NHSL1: variants seen among roughly 807,000 people sequenced by gnomAD.
NHSL1 encodes NHS like 1, also known as NHS-like protein 1.
Under a neutral mutation model 95.0 loss-of-function variants are expected in NHSL1, and 48 were observed. That is an observed-to-expected ratio of 0.51 (90% CI 0.40 to 0.64). The LOEUF is 0.64. NHSL1 is among the 30% of genes least tolerant of loss of function. The pLI, the probability that NHSL1 is intolerant of heterozygous loss-of-function variation, is 0.00. For missense variants in NHSL1, 1,971 were observed against 2,077.7 expected (o/e 0.95, Z 1.00); for synonymous variants, 783 against 833.9 (o/e 0.94, Z 1.05).
intron 1 of NHSL1, among the ~76,000 whole-genome samples, chr6:138,659,802 T>G (rs1418452968): frequency 6.6e-6 from 1 of 151,210 alleles, no homozygotes; most frequent in Non-Finnish European, 1.5e-5. Context: ...CTGCAACCTC[T>G]GCCTCCCAGG....
intron 1 of NHSL1, among the ~76,000 whole-genome samples, chr6:138,524,191 G>A (rs984562941): frequency 6.6e-6 from 1 of 152,174 alleles, no homozygotes; most frequent in Admixed American, 6.5e-5. Flanking sequence ...GCCCCACACA[G>A]GCTCACACAA....
In NHSL1 at chr6:138,540,931, A is replaced by G. The variant is rs146568668; in HGVS notation, c.16+4692T>C. Among the ~76,000 whole-genome samples the G allele has an allele frequency of 3.9e-5, 6 of 152,318 alleles. No individual in the cohort carries two copies. The East Asian group carries it at 1.2e-3, about 29-fold the overall frequency. On this transcript the variant is annotated intron_variant, in intron 1 of 4. Transcript: ENST00000342260. ...GGAAAGAACCTGTCTAACACAAACC[A>G]GGTTAAAAGTCCCTAGAGAGAATGC... is the stretch of plus-strand genomic sequence containing the variant.
At chr6:138,641,622 CAAA>C (rs771307557) in intron 1 of NHSL1, among the ~76,000 whole-genome samples, 66 of 76,450 alleles carry the variant, frequency 8.6e-4, no homozygotes, top group Non-Finnish European at 1.5e-3. Context: ...GACTCCGTCT[CAAA>C]AAAAAAAAAA....
chr6:138,462,522 T>C (rs1251009206), intron 3 of NHSL1, among the ~76,000 whole-genome samples: 1 of 152,088 alleles, frequency 6.6e-6, no homozygotes, highest in Non-Finnish European at 1.5e-5. Flanking sequence ...ACTACCACAG[T>C]GGGATCACAT....
intron 1 of NHSL1, among the ~76,000 whole-genome samples, chr6:138,668,626 CTTT>C (rs1231203513): frequency 2.3e-5 from 3 of 130,382 alleles, no homozygotes. Flanking sequence ...ATTTTTTTTT[CTTT>C]TTTTTTTTTT....
At chr6:138,461,475 G>C (rs947769319) in intron 3 of NHSL1, among the ~76,000 whole-genome samples, 2 of 152,160 alleles carry the variant, frequency 1.3e-5, no homozygotes, top group African/African-American at 4.8e-5. Context: ...AAAACCAGGA[G>C]TGTGTTGTGT....
chr6:138,544,663 G>A (rs1172538024), intron 1 of NHSL1, among the ~76,000 whole-genome samples: 1 of 152,106 alleles, frequency 6.6e-6, no homozygotes, highest in African/African-American at 2.4e-5. Flanking sequence ...TTGAAAAGAT[G>A]TCAAGAATTT....
intron 7 of NHSL1, among the ~76,000 whole-genome samples, chr6:138,429,071 T>TGTAACA: frequency 6.6e-6 from 1 of 152,212 alleles, no homozygotes; most frequent in East Asian, 1.9e-4. Flanking sequence ...ATATAAAAAG[T>TGTAACA]GTAACAGTTC....
chr6:138,432,225 G>A lies in NHSL1; in HGVS notation c.2120C>T (p.Ser707Leu), dbSNP rs778411323. ...CTTGCCTGGGAGGCTCAGCTGCAGCGAGTGCTGGAGTGTGGCGATCAGGCT... is the reference window on the plus strand; with the variant it reads ...CTTGCCTGGGAGGCTCAGCTGCAGCAAGTGCTGGAGTGTGGCGATCAGGCT... The part of the protein sequence containing the change: ...NESLIATLQH[S>L]LQLSLPGKSG... The change falls in exon 6 of 8, where the codon TCG (serine) becomes TTG (leucine). Residue 707 changes from serine (S) to leucine (L), a missense_variant. Transcript: ENST00000343505. The surrounding 1 kb of genome is among the most constrained non-coding windows in gnomAD (Gnocchi z 4.4). The A allele has an allele frequency of 1.1e-5, 17 of 1,546,664 alleles. 1 individual carries two copies. The highest frequency in any genetic ancestry group is 1.1e-4 in the South Asian group (9 of 83,620).
chr6:138,452,820 C>CT (rs112050516), intron 3 of NHSL1, among the ~76,000 whole-genome samples: 9,470 of 149,620 alleles, frequency 0.063, 776 homozygotes, highest in East Asian at 0.37. Context: ...TCTGTGCATT[C>CT]TTTTTTTTTT....
chr6:138,515,989 GCTGGGAGTTGGAAACCACATTT>G (rs1781443724), intron 1 of NHSL1, among the ~76,000 whole-genome samples: 1 of 152,216 alleles, frequency 6.6e-6, no homozygotes, highest in Admixed American at 6.5e-5. Flanking sequence ...ACAATGAGAG[GCTGGGAGTTGGAAACCACATTT>G]CCCAGACTCT....
At chr6:138,564,377 G>A (rs1242719618) in intron 1 of NHSL1, among the ~76,000 whole-genome samples, 1 of 152,050 alleles carries the variant, frequency 6.6e-6, no homozygotes, top group Non-Finnish European at 1.5e-5. Context: ...TCCCAAAACA[G>A]GGATTACAGG....
At chr6:138,601,408 C>G (rs1351464845) in intron 1 of NHSL1, among the ~76,000 whole-genome samples, 1 of 152,214 alleles carries the variant, frequency 6.6e-6, no homozygotes, top group African/African-American at 2.4e-5. Flanking sequence ...TCCCTAGACA[C>G]TTGTGTGGCT....
At chr6:138,592,203 T>C (rs1784239844) in intron 1 of NHSL1, among the ~76,000 whole-genome samples, 2 of 152,190 alleles carry the variant, frequency 1.3e-5, no homozygotes, top group Non-Finnish European at 2.9e-5. Context: ...TAATTTCTAA[T>C]AGGTCCCACA....
intron 1 of NHSL1, among the ~76,000 whole-genome samples, chr6:138,520,706 T>C (rs1279557732): frequency 6.6e-6 from 1 of 152,202 alleles, no homozygotes; most frequent in Non-Finnish European, 1.5e-5. Flanking sequence ...ATACTGCCTA[T>C]GACAGAGCCT....
intron 5 of NHSL1, among the ~76,000 whole-genome samples, chr6:138,437,319 T>TACAC (rs1204870537): frequency 3.9e-5 from 4 of 102,014 alleles, no homozygotes; most frequent in Non-Finnish European, 7.6e-5. Context: ...TATATATATA[T>TACAC]ACACACACAC....
chr6:138,482,711 C>T (rs1163860725), intron 2 of NHSL1, among the ~76,000 whole-genome samples: 2 of 152,128 alleles, frequency 1.3e-5, no homozygotes, highest in African/African-American at 2.4e-5. Context: ...GTCACCTTTG[C>T]CACCAACGAG....
chr6:138,507,673 G>T (rs1391079500), intron 1 of NHSL1, among the ~76,000 whole-genome samples: 1 of 152,216 alleles, frequency 6.6e-6, no homozygotes, highest in African/African-American at 2.4e-5. Context: ...AGATACTCAT[G>T]AAGAGTTATT....
At chr6:138,506,614 A>G (rs1780974864) in intron 1 of NHSL1, among the ~76,000 whole-genome samples, 3 of 152,240 alleles carry the variant, frequency 2.0e-5, no homozygotes, top group Admixed American at 1.3e-4. Flanking sequence ...ATTTAAATGT[A>G]AGTGGGCATC....
Sources: allele counts gnomAD v4.1 joint callset (sites outside exome capture counted in the v4.1 genomes callset), GRCh38; gene constraint gnomAD v4.1.1; non-coding constraint Gnocchi (gnomAD v3.1); transcripts MANE v1.5; gene names NCBI Gene and HGNC (gene_info 2026-07-23, HGNC 2026-07-21).